Variants in CTTN observed in about 807,000 individuals in gnomAD.
The protein encoded by CTTN is src substrate cortactin.
CTTN carries 28 observed loss-of-function variants against 84.0 expected under a neutral mutation model. That is an observed-to-expected ratio of 0.33 (90% CI 0.25 to 0.46). CTTN has a LOEUF of 0.46. CTTN is among the 20% of genes least tolerant of loss of function. The pLI, the probability that CTTN is intolerant of heterozygous loss-of-function variation, is 1.00. For missense variants in CTTN, 641 were observed against 723.8 expected (o/e 0.89, Z 1.31); for synonymous variants, 301 against 288.8 (o/e 1.04, Z -0.43).
intron 11 of CTTN, 114 bp downstream of exon 11, chr11:70,421,694 C>A: frequency 1.4e-6 from 1 of 735,316 alleles, no homozygotes; most frequent in Non-Finnish European, 2.4e-6. Context: ...TGTGTCACCA[C>A]TTGTCAGCTG....
intron 6 of CTTN, 70 bp from the exon 7 acceptor site, chr11:70,415,593 C>A: frequency 7.5e-7 from 1 of 1,327,484 alleles, no homozygotes; most frequent in Non-Finnish European, 1.1e-6. Flanking sequence ...GTCATGAATT[C>A]AGAGAGATTG....
chr11:70,404,021 C>T (rs1456416285), intron 1 of CTTN, among the ~76,000 whole-genome samples: 1 of 152,132 alleles, frequency 6.6e-6, no homozygotes, highest in Non-Finnish European at 1.5e-5. Flanking sequence ...GCTGGGACTA[C>T]AGGTATACAC....
rs768946484 is a variant in CTTN at position 70,407,381 on chromosome 11, T to C, written c.84T>C (p.Phe28=). The change falls in exon 3 of 18, where the codon TTT becomes TTC. Residue 28 remains phenylalanine, a synonymous_variant. Coordinates refer to ENST00000301843, the MANE Select transcript of CTTN (RefSeq NM_005231.4). The part of the protein sequence containing the change: ...GADDWETDPD[F]VNDVSEKEQR... ...ATGACTGGGAGACCGACCCTGATTTTGTGGTAGGAGCCGCCAGCCTTTGCT... is the reference window on the plus strand; with the variant it reads ...ATGACTGGGAGACCGACCCTGATTTCGTGGTAGGAGCCGCCAGCCTTTGCT... 2 of 1,601,436 alleles carry C rather than the reference T, an allele frequency of 1.2e-6. No individual in the cohort carries two copies. Among genetic ancestry groups the C allele is most frequent in the Admixed American group, 1.8e-5 (1 of 57,024 alleles).
In CTTN at chr11:70,434,300, A is replaced by G. The variant is rs552416533; in HGVS notation, c.1516+582A>G. The stretch of plus-strand genomic sequence containing the variant: ...GCGGTGGGGCTCTCTGCTGGGCCGC[A>G]TAGCATCCACTTGTCCCTCTGTCTC... On this transcript the variant is annotated intron_variant, in intron 17 of 17. Coordinates refer to ENST00000301843, the MANE Select transcript of CTTN (RefSeq NM_005231.4). Among the ~76,000 whole-genome samples, 17 of 152,330 alleles carry G rather than the reference A, an allele frequency of 1.1e-4. No individual in the cohort carries two copies. The East Asian group carries it at 3.3e-3, about 29-fold the overall frequency.
rs1246948730 is a variant in CTTN, at chr11:70,435,929, A to G, written c.*767A>G. 7.6e-6 allele frequency: 11 copies of G among 1,449,986 alleles called. No individual in the cohort carries two copies. In the East Asian group the frequency reaches 2.2e-4, roughly 30 times the overall value. 89.8% of individuals were successfully genotyped at this position (1,449,986 alleles called of 1,614,324 possible). ...CGCGGGTCTCTGGATTGGGACGCACAGTGCAGTTGAGGTCTGCGTCGGGCT... is the reference window on the plus strand; with the variant it reads ...CGCGGGTCTCTGGATTGGGACGCACGGTGCAGTTGAGGTCTGCGTCGGGCT... On this transcript the variant is annotated 3_prime_UTR_variant, in exon 18 of 18. Transcript: ENST00000301843.
intron 2 of CTTN, among the ~76,000 whole-genome samples, chr11:70,406,410 C>T (rs1241288158): frequency 1.3e-5 from 2 of 151,848 alleles, no homozygotes; most frequent in Non-Finnish European, 2.9e-5. Flanking sequence ...GACCCCTGGG[C>T]ACAGCTTATG....
At chr11:70,413,250 C>A (rs1418579635) in intron 5 of CTTN, among the ~76,000 whole-genome samples, 1 of 152,176 alleles carries the variant, frequency 6.6e-6, no homozygotes, top group East Asian at 1.9e-4. Context: ...ATGAGTGGCT[C>A]CACATGCTAG....
intron 5 of CTTN, among the ~76,000 whole-genome samples, chr11:70,413,129 C>T (rs1327049289): frequency 1.3e-5 from 2 of 152,176 alleles, no homozygotes; most frequent in Non-Finnish European, 2.9e-5. Context: ...CAGCACAGGC[C>T]CAAGGCTTAG....
At chr11:70,421,335 C>G in intron 10 of CTTN, 135 bp from the exon 11 acceptor site, 1 of 701,958 alleles carries the variant, frequency 1.4e-6, no homozygotes. Flanking sequence ...GGAGTAGGAT[C>G]TCAAAGGCCC....
At chr11:70,433,012 C>CGTGGGTTTCTGCTGGCT (rs2058372145) in intron 15 of CTTN, 89 bp from the exon 16 acceptor site, 1 of 1,361,464 alleles carries the variant, frequency 7.3e-7, no homozygotes, top group African/African-American at 1.4e-5. Flanking sequence ...TTAGATGGCC[C>CGTGGGTTTCTGCTGGCT]GTGGGTTTCT....
rs12280329 is a variant in CTTN, at chr11:70,435,633, G to A, written c.*471G>A. On this transcript the variant is annotated 3_prime_UTR_variant, in exon 18 of 18. Transcript: ENST00000301843. Reference sequence around the variant, plus strand: ...TCTAGAGTCTCACTGCTGGGGAGGAGAGGACTGGGCCTGATGGAAGTTAAC... The same window carrying A: ...TCTAGAGTCTCACTGCTGGGGAGGAAAGGACTGGGCCTGATGGAAGTTAAC... 6.3e-7 allele frequency: 1 copy of A among 1,594,390 alleles called. No individual in the cohort carries two copies. The highest frequency in any genetic ancestry group is 8.5e-7 in the Non-Finnish European group (1 of 1,178,118).
intron 6 of CTTN, 68 bp from the exon 7 acceptor site, chr11:70,415,595 G>T: frequency 1.5e-6 from 2 of 1,335,796 alleles, no homozygotes; most frequent in Non-Finnish European, 2.2e-6. Context: ...CATGAATTCA[G>T]AGAGATTGTT....
chr11:70,435,090 C>T lies in CTTN; in HGVS notation c.1581C>T (p.Asp527=), dbSNP rs772572367. The T allele has an allele frequency of 7.3e-5, 118 of 1,613,832 alleles. No homozygotes were observed. Among genetic ancestry groups the T allele is most frequent in the Non-Finnish European group, 9.2e-5 (109 of 1,180,020 alleles). Reference sequence around the variant, plus strand: ...TCACCAACATCGAGATGATTGACGACGGCTGGTGGCGCGGGGTGTGCAAGG... The same window carrying T: ...TCACCAACATCGAGATGATTGACGATGGCTGGTGGCGCGGGGTGTGCAAGG... ...DIITNIEMID[D]GWWRGVCKGR... Residue 527 remains aspartate (D), a synonymous_variant, in exon 18 of 18, where the codon GAC becomes GAT. Transcript: ENST00000301843.
chr11:70,430,699 T>C (rs934526620), intron 14 of CTTN, among the ~76,000 whole-genome samples: 2 of 152,160 alleles, frequency 1.3e-5, no homozygotes, highest in African/African-American at 4.8e-5. Context: ...TTCATGTCCA[T>C]CCCATGTGCA....
intron 1 of CTTN, among the ~76,000 whole-genome samples, chr11:70,403,146 A>C (rs1167738141): frequency 6.6e-6 from 1 of 150,746 alleles, no homozygotes; most frequent in African/African-American, 2.4e-5. Context: ...ATCATTTTTA[A>C]ATGGGGTTAT....
chr11:70,416,456 G>A (rs1188391622), intron 7 of CTTN, among the ~76,000 whole-genome samples: 4 of 152,128 alleles, frequency 2.6e-5, no homozygotes, highest in Non-Finnish European at 5.9e-5. Context: ...TTTTGAGACA[G>A]AGTCTCGCTC....
Position 70,425,357 on chromosome 11 carries a change from C to T in CTTN, c.983C>T (p.Thr328Ile), listed in dbSNP as rs1051182764. The change falls in exon 13 of 18, where the codon ACC becomes ATC. Residue 328 changes from threonine (T) to isoleucine (I), a missense_variant. Physicochemically the swap from Thr to Ile is moderately conservative, Grantham distance 89 (BLOSUM62 -1). Around this residue, in one of 3 missense-constraint regions of CTTN, gnomAD observed 289 missense variants for 273.1 expected, o/e 1.06. Coordinates refer to ENST00000301843, the MANE Select transcript of CTTN (RefSeq NM_005231.4). Reference sequence around the variant, plus strand: ...AATGCGTCAACCTTTGAGGATGTCACCCAGGTGTCCTCTGCCTACCAGAAG... The same window carrying T: ...AATGCGTCAACCTTTGAGGATGTCATCCAGGTGTCCTCTGCCTACCAGAAG... ...DKNASTFEDV[T>I]QVSSAYQKTV... is the part of the protein sequence containing the mutation. The T allele has an allele frequency of 6.2e-7, 1 of 1,612,794 alleles. No homozygotes were observed. The highest frequency in any genetic ancestry group is 8.5e-7 in the Non-Finnish European group (1 of 1,179,518).
In CTTN at chr11:70,422,898, G is replaced by A. The variant is rs141140746; in HGVS notation, c.902-42G>A. The A allele has an allele frequency of 5.5e-5, 89 of 1,613,684 alleles. No homozygotes were observed. The Middle Eastern group carries it at 8.3e-4, about 15-fold the overall frequency. On this transcript the variant is annotated intron_variant, in intron 11 of 17. Transcript: ENST00000301843. ...TGCACCCACGGCCACCCCCATGCTC[G>A]CCTCCACCTCAGAGTAAGTGTTGTG...
At chr11:70,406,160 C>T (rs1229112356) in intron 2 of CTTN, among the ~76,000 whole-genome samples, 4 of 152,252 alleles carry the variant, frequency 2.6e-5, no homozygotes, top group African/African-American at 9.6e-5. Flanking sequence ...TCCTGCTACA[C>T]CCCTTGGCAG....
Sources: gnomAD v4.1 joint callset for allele counts (sites outside exome capture counted in the v4.1 genomes callset) on GRCh38, gnomAD v4.1.1 for gene constraint, gnomAD v4.1.1 regional missense constraint, MANE v1.5 for transcripts, NCBI Gene and HGNC (gene_info 2026-07-23, HGNC 2026-07-21) for gene names.